FNDC3B: variants seen among roughly 807,000 people sequenced by gnomAD.
FNDC3B encodes fibronectin type III domain-containing protein 3B.
A neutral mutation model predicts 151.5 loss-of-function variants in FNDC3B; 12 were observed. That is an observed-to-expected ratio of 0.08 (90% CI 0.05 to 0.13). FNDC3B has a LOEUF of 0.13. Ranked by LOEUF, FNDC3B falls within the 10% of genes least tolerant of loss-of-function variation. The pLI, the probability that FNDC3B is intolerant of heterozygous loss-of-function variation, is 1.00. For synonymous variants in FNDC3B, 528 were observed against 549.0 expected, an observed-to-expected ratio of 0.96 and a Z score of 0.54; for missense variants, 1,214 against 1,505.3, an observed-to-expected ratio of 0.81 and a Z score of 3.20.
At chr3:172,099,867 G>A (rs896201727) in intron 1 of FNDC3B, among the ~76,000 whole-genome samples, 28 of 152,054 alleles carry the variant, frequency 1.8e-4, no homozygotes, top group African/African-American at 6.5e-4. Flanking sequence ...TTTTTTTTAT[G>A]TTTTTACGTA....
chr3:172,086,772 G>C (rs1385677847), intron 1 of FNDC3B, among the ~76,000 whole-genome samples: 1 of 152,168 alleles, frequency 6.6e-6, no homozygotes, highest in Non-Finnish European at 1.5e-5. Context: ...AAAACGTTCG[G>C]CCTTGGGGAG....
intron 4 of FNDC3B, chr3:172,237,561 C>T (rs930667012): frequency 6.6e-6 from 1 of 152,210 alleles, no homozygotes; most frequent in African/African-American, 2.4e-5. Context: ...ATAGCCATCA[C>T]ACTCCAGCCT....
rs775637938 is a variant in FNDC3B, at chr3:172,329,084, G to A, written c.1379+8G>A. ...AAACGACATTGGTACCAGGTATGAC[G>A]TTTCCTTGTCCTCTTGCCCTTCAGC... On this transcript the variant is annotated splice_region_variant and intron_variant, in intron 12 of 25. Coordinates refer to ENST00000415807, the MANE Select transcript of FNDC3B (RefSeq NM_022763.4). 75 of 1,607,096 alleles carry A rather than the reference G, an allele frequency of 4.7e-5. No homozygotes were observed. Among genetic ancestry groups the A allele is most frequent in the Non-Finnish European group, 6.0e-5 (70 of 1,175,694 alleles).
chr3:172,071,184 T>C (rs1717759333), intron 1 of FNDC3B, among the ~76,000 whole-genome samples: 1 of 152,232 alleles, frequency 6.6e-6, no homozygotes, highest in African/African-American at 2.4e-5. Context: ...AGAAACACAC[T>C]GTTCTTCAGT....
At chr3:172,051,137 G>A (rs1455795557) in intron 1 of FNDC3B, among the ~76,000 whole-genome samples, 1 of 147,306 alleles carries the variant, frequency 6.8e-6, no homozygotes, top group East Asian at 2.0e-4. Context: ...AGGCTGGAGT[G>A]CAATGGCGCG....
At chr3:172,137,692 A>G (rs1721439949) in intron 3 of FNDC3B, among the ~76,000 whole-genome samples, 1 of 152,196 alleles carries the variant, frequency 6.6e-6, no homozygotes, top group South Asian at 2.1e-4. Context: ...CTTGGTGATA[A>G]GGAAGAAAAC....
intron 4 of FNDC3B, among the ~76,000 whole-genome samples, chr3:172,229,797 A>G (rs1365584907): frequency 4.6e-5 from 7 of 152,228 alleles, no homozygotes; most frequent in Non-Finnish European, 5.9e-5. Flanking sequence ...AGAGAATAAT[A>G]TAATGCTCAA....
At position 172,222,925 on chromosome 3, in the gene FNDC3B, A is replaced by G. The variant is rs1321095068; in HGVS notation, c.188-3946A>G. On this transcript the variant is annotated intron_variant, in intron 3 of 25. Coordinates refer to ENST00000415807, the MANE Select transcript of FNDC3B (RefSeq NM_022763.4). ...GCTCTCCAAGAGCTTGTGTGGTCCT[A>G]AGAATACAATGTTGCTGGTCTTTCC... Among the ~76,000 whole-genome samples, 3 of 152,354 alleles carry G rather than the reference A, an allele frequency of 2.0e-5. No homozygotes were observed. The East Asian group carries it at 5.8e-4, about 29-fold the overall frequency.
intron 1 of FNDC3B, among the ~76,000 whole-genome samples, chr3:172,096,051 C>G (rs535197065): frequency 6.6e-6 from 1 of 152,168 alleles, no homozygotes; most frequent in African/African-American, 2.4e-5. Flanking sequence ...TAAGCCACAT[C>G]GTACATATTG....
chr3:172,213,453 A>G (rs548902005), intron 3 of FNDC3B, among the ~76,000 whole-genome samples: 84 of 152,342 alleles, frequency 5.5e-4, no homozygotes, highest in African/African-American at 2.0e-3. Context: ...AGAAACTCCT[A>G]TCTTCTCAGT....
chr3:172,274,641 A>G (rs1354853114), intron 6 of FNDC3B, among the ~76,000 whole-genome samples: 1 of 152,228 alleles, frequency 6.6e-6, no homozygotes, highest in Non-Finnish European at 1.5e-5. Flanking sequence ...AGCACAAACT[A>G]GGTAGCTTAC....
At chr3:172,330,778 G>T in intron 13 of FNDC3B, 63 bp downstream of exon 13, 1 of 1,310,948 alleles carries the variant, frequency 7.6e-7, no homozygotes, top group East Asian at 2.4e-5. Context: ...TATAGCTACA[G>T]GGCACCATGA....
intron 6 of FNDC3B, among the ~76,000 whole-genome samples, chr3:172,256,545 A>T (rs1430489144): frequency 6.6e-6 from 1 of 152,194 alleles, no homozygotes; most frequent in Admixed American, 6.5e-5. Flanking sequence ...TTCACTGCAG[A>T]AGCTAAAGAA....
intron 4 of FNDC3B, among the ~76,000 whole-genome samples, chr3:172,239,024 TA>T (rs1727320951): frequency 6.6e-6 from 1 of 151,494 alleles, no homozygotes; most frequent in Non-Finnish European, 1.5e-5. Context: ...TCTTGGCAGA[TA>T]CCAAATCTAA....
intron 22 of FNDC3B, among the ~76,000 whole-genome samples, chr3:172,358,502 T>C (rs1321353257): frequency 2.0e-5 from 3 of 152,256 alleles, no homozygotes; most frequent in Admixed American, 1.3e-4. Flanking sequence ...TCCTTTCAGC[T>C]GTTGCTGAGT....
chr3:172,282,253 T>G (rs73031312), intron 6 of FNDC3B, among the ~76,000 whole-genome samples: 5,515 of 152,324 alleles, frequency 0.036, 346 homozygotes, highest in African/African-American at 0.13. Flanking sequence ...ATTTACCTTT[T>G]CCTTCTTAGT....
At chr3:172,151,665 A>C (rs1003855468) in intron 3 of FNDC3B, among the ~76,000 whole-genome samples, 1 of 152,224 alleles carries the variant, frequency 6.6e-6, no homozygotes, top group Non-Finnish European at 1.5e-5. Context: ...TTTTTCTTCC[A>C]TGAAAATGTA....
chr3:172,050,550 A>T (rs1273074070), intron 1 of FNDC3B, among the ~76,000 whole-genome samples: 1 of 151,576 alleles, frequency 6.6e-6, no homozygotes, highest in Non-Finnish European at 1.5e-5. Context: ...TGCCTGGCTA[A>T]TTTTTGTGTT....
intron 23 of FNDC3B, among the ~76,000 whole-genome samples, chr3:172,376,678 T>G (rs960181098): frequency 6.6e-6 from 1 of 152,160 alleles, no homozygotes; most frequent in Non-Finnish European, 1.5e-5. Context: ...GGACTCTGGC[T>G]TTCCCTGAAA....
Sources: gnomAD v4.1 joint callset for allele counts (sites outside exome capture counted in the v4.1 genomes callset) on GRCh38, gnomAD v4.1.1 for gene constraint, MANE v1.5 for transcripts, NCBI Gene and HGNC (gene_info 2026-07-23, HGNC 2026-07-21) for gene names.